Variants in LARP4B observed in about 807,000 individuals in gnomAD.
LARP4B encodes the protein la-related protein 4B.
Under a neutral mutation model 89.8 loss-of-function variants are expected in LARP4B, and 12 were observed. The observed-to-expected ratio is 0.13, with a 90% CI of 0.09 to 0.22. The LOEUF (loss-of-function observed/expected upper bound fraction) is 0.22, where lower values mean the gene tolerates loss of function less well. Ranked by LOEUF, LARP4B falls within the 10% of genes least tolerant of loss-of-function variation. The pLI, the probability that LARP4B is intolerant of heterozygous loss-of-function variation, is 1.00. For missense variants in LARP4B, 757 were observed against 947.7 expected (o/e 0.80, Z 2.64); for synonymous variants, 367 against 363.3 (o/e 1.01, Z -0.12).
At chr10:930,993 C>G (rs866672890) in intron 1 of LARP4B, among the ~76,000 whole-genome samples, 2 of 150,356 alleles carry the variant, frequency 1.3e-5, no homozygotes, top group South Asian at 2.1e-4. Context: ...TGCCCGACCC[C>G]CGTCCTCGCC....
intron 5 of LARP4B, among the ~76,000 whole-genome samples, chr10:847,589 C>G (rs901937216): frequency 1.3e-5 from 2 of 151,798 alleles, no homozygotes; most frequent in African/African-American, 4.8e-5. Flanking sequence ...CGCGATCTTG[C>G]AACCTTGGCT....
intron 1 of LARP4B, among the ~76,000 whole-genome samples, chr10:902,070 C>A (rs141111010): frequency 6.6e-6 from 1 of 152,150 alleles, no homozygotes. Flanking sequence ...ACTGGGTCTA[C>A]GACATTATCT....
intron 3 of LARP4B, among the ~76,000 whole-genome samples, chr10:868,116 G>A (rs963771954): frequency 2.0e-5 from 3 of 151,790 alleles, no homozygotes; most frequent in African/African-American, 7.3e-5. Flanking sequence ...TATAACTACC[G>A]ATACGAGACA....
chr10:844,864 T>C (rs111609245), intron 6 of LARP4B, 113 bp downstream of exon 6: 2 of 700,960 alleles, frequency 2.9e-6, no homozygotes, highest in Non-Finnish European at 4.7e-6. Context: ...TTCATATACA[T>C]ATATATGGAT....
the LARP4B span, among the ~76,000 whole-genome samples, chr10:950,185 G>A: frequency 6.6e-6 from 1 of 152,142 alleles, no homozygotes; most frequent in Admixed American, 6.5e-5. Context: ...CTCTCAGTTT[G>A]TAGCTTGTCT....
chr10:908,221 CA>C (rs1269961281), intron 1 of LARP4B, among the ~76,000 whole-genome samples: 2 of 152,110 alleles, frequency 1.3e-5, no homozygotes, highest in African/African-American at 4.8e-5. Context: ...CCAACAACAA[CA>C]GAAAAAGGAC....
At position 814,660 on chromosome 10, in the gene LARP4B, G is replaced by A. The variant is rs752670686; in HGVS notation, c.1929+82C>T. The A allele has an allele frequency of 9.7e-6, 15 of 1,551,380 alleles. No individual in the cohort carries two copies. The highest frequency in any genetic ancestry group is 7.2e-5 in the South Asian group (6 of 83,654). On this transcript the variant is annotated intron_variant, in intron 17 of 17. Coordinates refer to ENST00000316157, the MANE Select transcript of LARP4B (RefSeq NM_015155.3). The surrounding 1 kb of genome is among the most constrained non-coding windows in gnomAD (Gnocchi z 4.4). Reference sequence around the variant, plus strand: ...ACCAAATTAGATGTGATTAAAAAACGAGCAGGTGCAGGAGTGCGCAGCGTC... The same window carrying A: ...ACCAAATTAGATGTGATTAAAAAACAAGCAGGTGCAGGAGTGCGCAGCGTC...
the LARP4B span, among the ~76,000 whole-genome samples, chr10:954,468 G>A: frequency 6.6e-6 from 1 of 152,170 alleles, no homozygotes; most frequent in South Asian, 2.1e-4. The surrounding 1 kb of genome is among the most constrained non-coding windows in gnomAD (Gnocchi z 5.0). Flanking sequence ...CAGAGCCAGG[G>A]AGGGTAGCTG....
At chr10:976,999 A>G in the LARP4B span, among the ~76,000 whole-genome samples, 98 of 152,268 alleles carry the variant, frequency 6.4e-4, 1 homozygote, top group Admixed American at 1.4e-3. Flanking sequence ...TAGGCCTGTC[A>G]TGTAATGTGT....
intron 1 of LARP4B, among the ~76,000 whole-genome samples, chr10:889,897 G>A (rs1281157607): frequency 6.6e-6 from 1 of 152,112 alleles, no homozygotes. Context: ...AGCCGAGATC[G>A]CCCCTAAACA....
intron 11 of LARP4B, 74 bp from the exon 12 acceptor site, chr10:825,944 G>T: frequency 1.0e-6 from 1 of 974,698 alleles, no homozygotes; most frequent in Non-Finnish European, 1.6e-6. Flanking sequence ...CAACAAATCT[G>T]TGGAAACTGA....
At chr10:964,986 A>G in the LARP4B span, among the ~76,000 whole-genome samples, 2 of 151,674 alleles carry the variant, frequency 1.3e-5, no homozygotes, top group African/African-American at 4.8e-5. Flanking sequence ...GCTGTGATGA[A>G]TGACCCCAGG....
chr10:839,606 A>G (rs1238309413), intron 7 of LARP4B, among the ~76,000 whole-genome samples: 13 of 152,266 alleles, frequency 8.5e-5, no homozygotes, highest in Non-Finnish European at 1.9e-4. Flanking sequence ...ATATCACTAT[A>G]TAGTTATTAG....
chr10:838,196 A>T (rs1833330579), intron 7 of LARP4B, among the ~76,000 whole-genome samples: 1 of 152,182 alleles, frequency 6.6e-6, no homozygotes, highest in Non-Finnish European at 1.5e-5. Context: ...GTCCTAGAAA[A>T]CATAGGAGAA....
chr10:869,537 A>T (rs2131868165), intron 3 of LARP4B, among the ~76,000 whole-genome samples: 1 of 152,330 alleles, frequency 6.6e-6, no homozygotes, highest in African/African-American at 2.4e-5. Context: ...GCCATATATA[A>T]GCATTCAAAT....
intron 2 of LARP4B, among the ~76,000 whole-genome samples, chr10:885,332 C>T (rs551638123): frequency 7.3e-5 from 11 of 150,982 alleles, no homozygotes; most frequent in South Asian, 2.1e-4. Context: ...CATTAGACTT[C>T]GCAAAAAAAA....
intron 11 of LARP4B, among the ~76,000 whole-genome samples, chr10:826,369 G>A (rs1832621571): frequency 6.6e-6 from 1 of 152,234 alleles, no homozygotes; most frequent in African/African-American, 2.4e-5. Flanking sequence ...CTGCTCTGCA[G>A]ATCAGGGTAT....
At chr10:900,791 TG>T (rs1836320768) in intron 1 of LARP4B, among the ~76,000 whole-genome samples, 1 of 151,066 alleles carries the variant, frequency 6.6e-6, no homozygotes, top group South Asian at 2.1e-4. Context: ...GGCTAATTTT[TG>T]TATGTTTAGA....
chr10:826,613 C>A (rs543566714), intron 11 of LARP4B, among the ~76,000 whole-genome samples: 3 of 152,192 alleles, frequency 2.0e-5, no homozygotes, highest in African/African-American at 7.2e-5. Flanking sequence ...AACAAACAAA[C>A]AAAACTCAAG....
Sources: allele counts gnomAD v4.1 joint callset (sites outside exome capture counted in the v4.1 genomes callset), GRCh38; gene constraint gnomAD v4.1.1; non-coding constraint Gnocchi (gnomAD v3.1); transcripts MANE v1.5; gene names NCBI Gene and HGNC (gene_info 2026-07-23, HGNC 2026-07-21).